Variants in DOK5 observed in about 807,000 individuals in gnomAD.
DOK5 encodes the protein docking protein 5, also known as downstream of tyrosine kinase 5.
Under a neutral mutation model 43.3 loss-of-function variants are expected in DOK5, and 27 were observed. That is an observed-to-expected ratio of 0.62 (90% confidence interval 0.46 to 0.86). DOK5 has a LOEUF of 0.86. DOK5 is among the 40% of genes least tolerant of loss of function. The pLI is 0.00. For synonymous variants in DOK5, 146 were observed against 140.1 expected (o/e 1.04, Z -0.30); for missense variants, 373 against 392.9 (o/e 0.95, Z 0.43).
chr20:54,509,026 G>A (rs1404583975), intron 1 of DOK5, among the ~76,000 whole-genome samples: 4 of 151,638 alleles, frequency 2.6e-5, no homozygotes, highest in South Asian at 2.1e-4. Flanking sequence ...ACAGGCACAC[G>A]CCACCCCACC....
At chr20:54,609,434 T>C (rs1054455470) in intron 5 of DOK5, among the ~76,000 whole-genome samples, 1 of 152,116 alleles carries the variant, frequency 6.6e-6, no homozygotes, top group Non-Finnish European at 1.5e-5. Flanking sequence ...CTGCATATGA[T>C]TTTGTCCAAG....
Position 54,475,614 on chromosome 20 carries a change from C to G in DOK5, c.-333C>G, listed in dbSNP as rs377494429. The G allele has an allele frequency of 2.0e-5, 8 of 395,262 alleles. No homozygotes were observed. The highest frequency in any genetic ancestry group is 3.2e-5 in the Non-Finnish European group (7 of 218,322). 24.5% of individuals were successfully genotyped at this position (395,262 alleles called of 1,614,324 possible). ...CCTCCTTCTTCTCCTCCTTCTCGGC[C>G]GGGAGGAGGCAGGGCTGGATCCCTC... is the stretch of plus-strand genomic sequence containing the variant. On this transcript the variant is annotated 5_prime_UTR_variant, in exon 1 of 8. Transcript: ENST00000262593. This position sits in a 1 kb window ranked among gnomAD's most constrained non-coding sequence, Gnocchi z 4.2.
At chr20:54,535,128 G>A (rs1375933285) in intron 1 of DOK5, among the ~76,000 whole-genome samples, 1 of 152,130 alleles carries the variant, frequency 6.6e-6, no homozygotes, top group Non-Finnish European at 1.5e-5. Flanking sequence ...ACCACACCCA[G>A]CCGAAAACAT....
intron 7 of DOK5, among the ~76,000 whole-genome samples, chr20:54,645,530 G>A (rs905925039): frequency 6.6e-5 from 10 of 151,952 alleles, no homozygotes; most frequent in African/African-American, 9.7e-5. Context: ...TGCTGCGCCC[G>A]TCCCTCATCC....
chr20:54,620,324 C>T (rs1235372932), intron 6 of DOK5, among the ~76,000 whole-genome samples: 17 of 152,262 alleles, frequency 1.1e-4, no homozygotes, highest in Admixed American at 8.5e-4. Flanking sequence ...CTGCAACCCC[C>T]GCCTCCCGGG....
At chr20:54,531,258 A>C (rs1332808100) in intron 1 of DOK5, among the ~76,000 whole-genome samples, 2 of 152,312 alleles carry the variant, frequency 1.3e-5, no homozygotes, top group African/African-American at 4.8e-5. Flanking sequence ...CTGGAGCTTA[A>C]AATTCTCACT....
intron 1 of DOK5, among the ~76,000 whole-genome samples, chr20:54,488,584 C>A (rs941286524): frequency 1.3e-5 from 2 of 152,068 alleles, no homozygotes; most frequent in African/African-American, 4.8e-5. Flanking sequence ...AGGGAATGAA[C>A]AAGATAGCCA....
intron 2 of DOK5, among the ~76,000 whole-genome samples, chr20:54,580,772 C>T (rs1403079579): frequency 1.3e-5 from 2 of 152,038 alleles, no homozygotes; most frequent in African/African-American, 4.8e-5. Flanking sequence ...TATATTTTGG[C>T]TATTAACCCT....
Position 54,513,483 on chromosome 20 carries a change from A to C in DOK5, c.66+37471A>C, listed in dbSNP as rs1019144685. Among the ~76,000 whole-genome samples the C allele has an allele frequency of 1.7e-4, 26 of 151,122 alleles. No individual in the cohort carries two copies. In the East Asian group the frequency reaches 2.3e-3, roughly 13 times the overall value. ...TGAGCAAAAAAAAAAAAAAAAAAAA[A>C]AAAAACCCAACATCCATTTGTAGGC... On this transcript the variant is annotated intron_variant, in intron 1 of 7. Transcript: ENST00000262593.
intron 1 of DOK5, among the ~76,000 whole-genome samples, chr20:54,502,552 G>A (rs1418847698): frequency 6.6e-6 from 1 of 152,094 alleles, no homozygotes; most frequent in Non-Finnish European, 1.5e-5. Context: ...CCTCAAGAGG[G>A]CAATCAATTT....
intron 7 of DOK5, among the ~76,000 whole-genome samples, chr20:54,649,253 C>A (rs6098136): frequency 6.6e-6 from 1 of 151,988 alleles, no homozygotes; most frequent in African/African-American, 2.4e-5. Context: ...GAGACCCCCT[C>A]CCTACAAAAA....
intron 4 of DOK5, among the ~76,000 whole-genome samples, chr20:54,589,039 T>C (rs1985901750): frequency 6.6e-6 from 1 of 152,220 alleles, no homozygotes; most frequent in South Asian, 2.1e-4. Flanking sequence ...TTAGAAATTT[T>C]GGGGAACCTG....
chr20:54,529,086 A>G (rs1983675727), intron 1 of DOK5, among the ~76,000 whole-genome samples: 3 of 152,202 alleles, frequency 2.0e-5, no homozygotes, highest in Non-Finnish European at 1.5e-5. Flanking sequence ...TTTGGATTTC[A>G]TGGTCTTTTT....
intron 2 of DOK5, among the ~76,000 whole-genome samples, chr20:54,557,950 T>C (rs915919910): frequency 3.9e-5 from 6 of 152,162 alleles, no homozygotes; most frequent in Non-Finnish European, 8.8e-5. Flanking sequence ...TTTTTGGGGA[T>C]GGGAGACATG....
chr20:54,486,207 G>A (rs1270443929), intron 1 of DOK5, among the ~76,000 whole-genome samples: 1 of 152,068 alleles, frequency 6.6e-6, no homozygotes, highest in Non-Finnish European at 1.5e-5. Context: ...GCCTATGGAT[G>A]TACAGTTACT....
intron 1 of DOK5, among the ~76,000 whole-genome samples, chr20:54,489,537 A>G (rs1321139261): frequency 6.6e-6 from 1 of 152,104 alleles, no homozygotes; most frequent in East Asian, 1.9e-4. Context: ...ATTCCCCTGT[A>G]TGGATATATC....
rs372693994 is a variant in DOK5, at chr20:54,492,754, T to C, written c.66+16742T>C. 2.0e-4 allele frequency among the ~76,000 whole-genome samples: 30 copies of C among 151,420 alleles called. 1 individual carries two copies. The highest frequency in any genetic ancestry group is 7.3e-4 in the African/African-American group (30 of 41,142). ...GATCAGAGGTAACAGAGAGAACAAC[T>C]TTTTAAAGGATGTTCTTGGCCAGGT... On this transcript the variant is annotated intron_variant, in intron 1 of 7. Transcript: ENST00000262593.
intron 6 of DOK5, among the ~76,000 whole-genome samples, chr20:54,624,003 G>A (rs951224862): frequency 2.0e-5 from 3 of 152,202 alleles, no homozygotes; most frequent in Non-Finnish European, 2.9e-5. Context: ...GAGAGCTCTT[G>A]TTTCCTTAAG....
intron 1 of DOK5, among the ~76,000 whole-genome samples, chr20:54,496,804 A>G (rs1312361943): frequency 6.6e-6 from 1 of 151,734 alleles, no homozygotes; most frequent in East Asian, 1.9e-4. Context: ...ATGAACCAGC[A>G]TAAATCGACA....
Sources: gnomAD v4.1 joint callset for allele counts (sites outside exome capture counted in the v4.1 genomes callset) on GRCh38, gnomAD v4.1.1 for gene constraint, Gnocchi (gnomAD v3.1) non-coding constraint, MANE v1.5 for transcripts, NCBI Gene and HGNC (gene_info 2026-07-23, HGNC 2026-07-21) for gene names.